Variants in KCTD1 observed in about 807,000 individuals in gnomAD.
The protein encoded by KCTD1 is BTB/POZ domain-containing protein KCTD1.
KCTD1 carries 24 observed loss-of-function variants against 66.0 expected under a neutral mutation model. The observed-to-expected ratio is 0.36, with a 90% CI of 0.26 to 0.51. The LOEUF is 0.51. KCTD1 is among the 20% of genes least tolerant of loss of function. The pLI, the probability that KCTD1 is intolerant of heterozygous loss-of-function variation, is 0.95. For missense variants in KCTD1, 943 were observed against 1,205.2 expected (o/e 0.78, Z 3.22); for synonymous variants, 511 against 517.2 (o/e 0.99, Z 0.16).
chr18:26,493,399 A>T (rs1365802551), intron 2 of KCTD1, among the ~76,000 whole-genome samples: 2 of 142,840 alleles, frequency 1.4e-5, no homozygotes, highest in South Asian at 2.2e-4. Context: ...ACAAAGATGT[A>T]TTTTTTGGGG....
At position 26,565,421 on chromosome 18, in the gene KCTD1, T is replaced by C. The variant is rs1000072682; in HGVS notation, c.-16+63726A>G. Among the ~76,000 whole-genome samples, 7 of 152,234 alleles carry C rather than the reference T, an allele frequency of 4.6e-5. No homozygotes were observed. The South Asian group carries it at 8.3e-4, about 18-fold the overall frequency. ...TTAAAACAGGATTTAAATTCTGTCTTTGAAAATGAAAGCCTTCCCAGAGTA... is the reference window on the plus strand; with the variant it reads ...TTAAAACAGGATTTAAATTCTGTCTCTGAAAATGAAAGCCTTCCCAGAGTA... On this transcript the variant is annotated intron_variant, in intron 1 of 4. Transcript: ENST00000317932.
At chr18:26,577,506 G>A (rs1171077638) in intron 1 of KCTD1, among the ~76,000 whole-genome samples, 1 of 151,544 alleles carries the variant, frequency 6.6e-6, no homozygotes, top group African/African-American at 2.4e-5. Flanking sequence ...TTTTCAATGT[G>A]ATTATTTCTT....
rs1980294232 is a variant in KCTD1, at chr18:26,459,612, T to C, written c.2439+8A>G. On this transcript the variant is annotated splice_region_variant and intron_variant, in intron 4 of 4. Transcript: ENST00000580059. ...TTTGATGCCACACAGTGCGTAACAATGCTATACCTGGACTGAGTTGAGGTG... is the reference window on the plus strand; with the variant it reads ...TTTGATGCCACACAGTGCGTAACAACGCTATACCTGGACTGAGTTGAGGTG... 1 of 1,578,002 alleles carries C rather than the reference T, an allele frequency of 6.3e-7. No individual in the cohort carries two copies. Among genetic ancestry groups the C allele is most frequent in the African/African-American group, 1.3e-5 (1 of 74,520 alleles).
rs1986847740 is a variant in KCTD1, at chr18:26,599,786, AAG to A, written c.-16+29359_-16+29360del. The A allele has an allele frequency of 7.0e-6, 11 of 1,575,128 alleles. 1 individual carries two copies. In the South Asian group the frequency reaches 1.0e-4, roughly 14 times the overall value. Reference sequence around the variant, plus strand: ...ACTCTTTCTGGTCTTGTGGAAGTGAAAGAGCTGCAGCGGGAGCCCCTAACCCC... The same window carrying A: ...ACTCTTTCTGGTCTTGTGGAAGTGAAAGCTGCAGCGGGAGCCCCTAACCCC... On this transcript the variant is annotated intron_variant, in intron 1 of 4. Coordinates refer to the KCTD1 transcript ENST00000317932.
At chr18:26,535,120 T>C (rs62087057) in intron 1 of KCTD1, among the ~76,000 whole-genome samples, 1 of 128,206 alleles carries the variant, frequency 7.8e-6, no homozygotes, top group Non-Finnish European at 1.6e-5. Context: ...GGGGTGGGGG[T>C]GGAGCTGCCA....
chr18:26,535,971 C>CCAAAA (rs1322496086), intron 1 of KCTD1, among the ~76,000 whole-genome samples: 6 of 122,820 alleles, frequency 4.9e-5, no homozygotes, highest in African/African-American at 1.8e-4. Context: ...GTGATTCCTC[C>CCAAAA]AAAAAAAAAA....
At chr18:26,464,400 T>A (rs1450589629) in intron 3 of KCTD1, among the ~76,000 whole-genome samples, 1 of 152,230 alleles carries the variant, frequency 6.6e-6, no homozygotes, top group Non-Finnish European at 1.5e-5. Flanking sequence ...AGGGCCCACC[T>A]GGATTATCCA....
chr18:26,536,763 A>C (rs1264340092), intron 1 of KCTD1, among the ~76,000 whole-genome samples: 1 of 152,198 alleles, frequency 6.6e-6, no homozygotes, highest in Non-Finnish European at 1.5e-5. Flanking sequence ...ATGCTTTCAG[A>C]AATGAATCTG....
intron 2 of KCTD1, among the ~76,000 whole-genome samples, chr18:26,500,479 T>C (rs1343615060): frequency 6.6e-6 from 1 of 152,162 alleles, no homozygotes; most frequent in Non-Finnish European, 1.5e-5. Context: ...AGATATCTCA[T>C]AAACATAAAT....
upstream of KCTD1, among the ~76,000 whole-genome samples, chr18:26,550,723 A>G (rs960594552): frequency 6.6e-6 from 1 of 152,338 alleles, no homozygotes; most frequent in Non-Finnish European, 1.5e-5. This position sits in a 1 kb window ranked among gnomAD's most constrained non-coding sequence, Gnocchi z 5.4. Flanking sequence ...CGCCCTGGAC[A>G]CGTGCAGAAA....
chr18:26,481,203 G>C (rs1567962454), intron 2 of KCTD1, among the ~76,000 whole-genome samples: 1 of 152,140 alleles, frequency 6.6e-6, no homozygotes, highest in South Asian at 2.1e-4. Flanking sequence ...TTAAGTCGTC[G>C]GGGCTGGGAG....
intron 3 of KCTD1, among the ~76,000 whole-genome samples, chr18:26,465,889 G>A (rs916416278): frequency 8.5e-5 from 13 of 152,198 alleles, no homozygotes; most frequent in Admixed American, 7.9e-4. Context: ...GAGAAAAGAG[G>A]TCATGGGCAG....
intron 1 of KCTD1, among the ~76,000 whole-genome samples, chr18:26,503,774 C>G (rs1413980359): frequency 1.4e-5 from 2 of 146,904 alleles, no homozygotes; most frequent in South Asian, 2.1e-4. Flanking sequence ...AGAATATATA[C>G]CATTTACACT....
At chr18:26,523,557 A>G (rs1984017557) in intron 1 of KCTD1, among the ~76,000 whole-genome samples, 1 of 152,226 alleles carries the variant, frequency 6.6e-6, no homozygotes. Flanking sequence ...AGGCTGAGGC[A>G]GAAGGATCAC....
rs1985241449 is a variant in KCTD1, at chr18:26,546,766, G to A, written c.1771C>T (p.Pro591Ser). 1.3e-6 allele frequency: 2 copies of A among 1,550,078 alleles called. No homozygotes were observed. Among genetic ancestry groups the A allele is most frequent in the Admixed American group, 2.0e-5 (1 of 50,656 alleles). Residue 591 changes from proline (P) to serine (S), a missense_variant, in exon 1 of 5, where the codon CCC becomes TCC. Transcript: ENST00000580059. ...EANGHRSTNS[P>S]TIVSPAIVSP... Reference sequence around the variant, plus strand: ...ACAATAGCAGGTGAAACTATTGTGGGAGAATTGGTGCTTCTGTGCCCATTG... The same window carrying A: ...ACAATAGCAGGTGAAACTATTGTGGAAGAATTGGTGCTTCTGTGCCCATTG...
At chr18:26,475,886 A>G (rs1255121544) in intron 3 of KCTD1, among the ~76,000 whole-genome samples, 1 of 152,182 alleles carries the variant, frequency 6.6e-6, no homozygotes, top group East Asian at 1.9e-4. Flanking sequence ...AAAGCTATAT[A>G]TTGATCCTGA....
At chr18:26,549,785 C>CGG, upstream of KCTD1, 1 of 985,462 alleles carries the variant, frequency 1.0e-6, no homozygotes, top group Non-Finnish European at 1.2e-6. Flanking sequence ...CTCAGGCGCG[C>CGG]GGGGGCGGGC....
rs868559650 is a variant in KCTD1, at chr18:26,538,122, C to T, written c.1809+8606G>A. Among the ~76,000 whole-genome samples, 4 of 152,130 alleles carry T rather than the reference C, an allele frequency of 2.6e-5. No individual in the cohort carries two copies. In the South Asian group the frequency reaches 8.3e-4, roughly 32 times the overall value. On this transcript the variant is annotated intron_variant, in intron 1 of 4. Coordinates refer to ENST00000580059, the MANE Select transcript of KCTD1 (RefSeq NM_001142730.3). ...ATTAGCCGGGCATGGTGGCACATGT[C>T]TGTAATCCCAGCTACTCAGGAGGCT...
chr18:26,465,246 G>C (rs998904795), intron 3 of KCTD1, among the ~76,000 whole-genome samples: 9 of 152,116 alleles, frequency 5.9e-5, no homozygotes, highest in Non-Finnish European at 8.8e-5. Flanking sequence ...ACCATGCCCG[G>C]CTAATTTTTG....
Sources: gnomAD v4.1 joint callset for allele counts (sites outside exome capture counted in the v4.1 genomes callset) on GRCh38, gnomAD v4.1.1 for gene constraint, Gnocchi (gnomAD v3.1) non-coding constraint, MANE v1.5 for transcripts, NCBI Gene and HGNC (gene_info 2026-07-23, HGNC 2026-07-21) for gene names.